Variants in ATP8A2 observed in about 807,000 individuals in gnomAD.
ATP8A2 encodes the protein phospholipid-transporting ATPase IB.
Under a neutral mutation model 165.6 loss-of-function variants are expected in ATP8A2, and 100 were observed. The ratio of observed to expected loss-of-function variants is 0.60; its 90% confidence interval spans 0.51 to 0.71. ATP8A2 has a LOEUF of 0.71. Among genes scored for constraint, ATP8A2 ranks in the 30% least tolerant of loss-of-function variants. The probability of loss-of-function intolerance (pLI) is 0.00; values close to 1 mark genes in which losing one functional copy is unlikely to be tolerated. For synonymous variants in ATP8A2, 543 were observed against 548.8 expected, an observed-to-expected ratio of 0.99 and a Z score of 0.15; for missense variants, 1,227 against 1,479.5, an observed-to-expected ratio of 0.83 and a Z score of 2.80.
chr13:25,466,402 T>C (rs1255678803), intron 1 of ATP8A2, among the ~76,000 whole-genome samples: 3 of 152,182 alleles, frequency 2.0e-5, no homozygotes, highest in Non-Finnish European at 4.4e-5. Context: ...CAGGCTCTTC[T>C]GTCTGTACTC....
intron 1 of ATP8A2, among the ~76,000 whole-genome samples, chr13:25,397,100 G>C (rs937345420): frequency 4.2e-4 from 64 of 152,200 alleles, no homozygotes; most frequent in African/African-American, 1.5e-3. Context: ...CCTGTTCTAG[G>C]AAGACGGGAA....
intron 33 of ATP8A2, among the ~76,000 whole-genome samples, chr13:25,923,164 A>G (rs1040351662): frequency 6.6e-6 from 1 of 152,208 alleles, no homozygotes; most frequent in Non-Finnish European, 1.5e-5. Flanking sequence ...GATTGCAATT[A>G]TCATATTTAG....
At chr13:25,908,935 A>C (rs568208812) in intron 33 of ATP8A2, among the ~76,000 whole-genome samples, 1 of 152,224 alleles carries the variant, frequency 6.6e-6, no homozygotes, top group Non-Finnish European at 1.5e-5. Context: ...TATTTGGATG[A>C]TAAGAGGAGC....
chr13:25,776,251 G>T (rs1015884902), intron 27 of ATP8A2, among the ~76,000 whole-genome samples: 3 of 152,200 alleles, frequency 2.0e-5, no homozygotes, highest in African/African-American at 4.8e-5. Context: ...TGTGGGCTGG[G>T]GAGCAGCCCT....
chr13:25,479,475 T>C lies in ATP8A2; in HGVS notation c.221+10354T>C, dbSNP rs1484754485. On this transcript the variant is annotated intron_variant, in intron 2 of 36. Coordinates refer to ENST00000381655, the MANE Select transcript of ATP8A2 (RefSeq NM_016529.6). ...AAGTATAATTTCCAATTTGTGGTTT[T>C]GTTGTATGATTCTTTTATTTTTATT... 2.6e-5 allele frequency among the ~76,000 whole-genome samples: 4 copies of C among 152,330 alleles called. No individual in the cohort carries two copies. In the East Asian group the frequency reaches 7.7e-4, roughly 29 times the overall value.
At position 25,697,079 on chromosome 13, in the gene ATP8A2, G is replaced by C. The variant is rs546093454; in HGVS notation, c.2212-2094G>C. On this transcript the variant is annotated intron_variant, in intron 24 of 36. Transcript: ENST00000381655. ...TTGGATAAATGGTGCTGATCGACTT[G>C]CTTGACTCAGGGTTGCTAGAAATCT... Among the ~76,000 whole-genome samples the C allele has an allele frequency of 1.7e-3, 254 of 152,322 alleles. 2 individuals carry two copies. Among genetic ancestry groups the C allele is most frequent in the African/African-American group, 5.3e-3 (220 of 41,578 alleles).
Position 26,012,558 on chromosome 13 carries a change from G to A in ATP8A2, c.3405G>A (p.Lys1135=). 1 of 1,538,384 alleles carries A rather than the reference G, an allele frequency of 6.5e-7. No individual in the cohort carries two copies. The part of the protein sequence containing the change: ...KRLNERDRLI[K]RLGRKTPPTL... The stretch of plus-strand genomic sequence containing the variant: ...TGAACGAGCGCGACCGCCTGATCAA[G>A]AGGCTGGGCCGGAAGACGCCCCCGA... Residue 1135 remains lysine, a synonymous_variant, in exon 36 of 37, where the codon AAG becomes AAA. Transcript: ENST00000381655.
intron 24 of ATP8A2, among the ~76,000 whole-genome samples, chr13:25,628,284 C>T (rs143806248): frequency 6.6e-6 from 1 of 152,242 alleles, no homozygotes; most frequent in Non-Finnish European, 1.5e-5. Context: ...GGTCTGGGAG[C>T]CATTCATTCT....
At chr13:25,867,659 A>AT (rs1367754744) in intron 33 of ATP8A2, among the ~76,000 whole-genome samples, 1 of 152,144 alleles carries the variant, frequency 6.6e-6, no homozygotes, top group Non-Finnish European at 1.5e-5. Flanking sequence ...GCTTCATCCC[A>AT]TCCCCCCTGC....
At chr13:25,376,976 C>T (rs1044628028) in intron 1 of ATP8A2, among the ~76,000 whole-genome samples, 5 of 152,334 alleles carry the variant, frequency 3.3e-5, no homozygotes, top group African/African-American at 1.2e-4. Flanking sequence ...GTCCTGACTA[C>T]AAGGCCGTCT....
At chr13:25,510,900 T>C (rs1416290134) in intron 2 of ATP8A2, among the ~76,000 whole-genome samples, 2 of 152,250 alleles carry the variant, frequency 1.3e-5, no homozygotes, top group Non-Finnish European at 2.9e-5. Context: ...TGTAGGTAGC[T>C]AAAAGTTGAA....
chr13:25,459,435 C>T (rs1404423679), intron 1 of ATP8A2, among the ~76,000 whole-genome samples: 1 of 152,230 alleles, frequency 6.6e-6, no homozygotes, highest in Non-Finnish European at 1.5e-5. Flanking sequence ...TGAATGCCTT[C>T]TGCATCCTAT....
chr13:25,465,696 TTTCTTTCTTTC>T lies in ATP8A2; in HGVS notation c.77-3278_77-3268del, dbSNP rs1566153150. On this transcript the variant is annotated intron_variant, in intron 1 of 36. Transcript: ENST00000381655. The stretch of plus-strand genomic sequence containing the variant: ...CTTTCTTTCTTTCTTTCTTTCTTTC[TTTCTTTCTTTC>T]TTTCTTTCTTTCTTTCTTTCTTTCT... Among the ~76,000 whole-genome samples, 149 of 20,428 alleles carry T rather than the reference TTTCTTTCTTTC, an allele frequency of 7.3e-3. 12 individuals carry two copies. Among genetic ancestry groups the T allele is most frequent in the Admixed American group, 0.035 (59 of 1,680 alleles). The allele number at this position is 20,428 out of a possible 152,430, so 13.4% of individuals were successfully genotyped here.
chr13:25,850,518 T>G (rs9511939), intron 30 of ATP8A2, among the ~76,000 whole-genome samples: 19,980 of 149,426 alleles, frequency 0.13, 1,564 homozygotes, highest in Non-Finnish European at 0.18. Context: ...CTACTTTCTC[T>G]GAAATTATGC....
In ATP8A2 at chr13:25,953,568, GCC is replaced by G. The variant is rs1199765230; in HGVS notation, c.3184-8006_3184-8005del. Among the ~76,000 whole-genome samples, 4,000 of 149,068 alleles carry G rather than the reference GCC, an allele frequency of 0.027. 105 individuals carry two copies. Among genetic ancestry groups the G allele is most frequent in the African/African-American group, 0.049 (1,967 of 40,340 alleles). On this transcript the variant is annotated intron_variant, in intron 33 of 36. Coordinates refer to ENST00000381655, the MANE Select transcript of ATP8A2 (RefSeq NM_016529.6). This position sits in a 1 kb window ranked among gnomAD's most constrained non-coding sequence, Gnocchi z 6.7. ...AAAAGCAAGGGAAATAGGCAAGACGGCCAAATAGGAACAGCTCCAGTCTGTAG... is the reference window on the plus strand; with the variant it reads ...AAAAGCAAGGGAAATAGGCAAGACGGAAATAGGAACAGCTCCAGTCTGTAG...
intron 33 of ATP8A2, among the ~76,000 whole-genome samples, chr13:25,939,927 C>G (rs1287263910): frequency 1.3e-5 from 2 of 152,188 alleles, no homozygotes; most frequent in African/African-American, 2.4e-5. Flanking sequence ...TCTTCTTGTC[C>G]TTAACTCCCC....
chr13:25,768,640 T>G (rs574870948), intron 25 of ATP8A2, among the ~76,000 whole-genome samples: 24 of 152,284 alleles, frequency 1.6e-4, no homozygotes, highest in African/African-American at 4.1e-4. Flanking sequence ...CAGCCCTAGG[T>G]TGTATATGAT....
intron 1 of ATP8A2, among the ~76,000 whole-genome samples, chr13:25,435,869 A>G (rs1257524264): frequency 6.6e-6 from 1 of 152,094 alleles, no homozygotes. Context: ...ACTGTAGACT[A>G]AAATGATCTT....
At position 25,560,626 on chromosome 13, in the gene ATP8A2, G is replaced by A. The variant is rs1032271629; in HGVS notation, c.1397+861G>A. Among the ~76,000 whole-genome samples the A allele has an allele frequency of 3.9e-5, 5 of 129,308 alleles. No individual in the cohort carries two copies. In the Admixed American group the frequency reaches 4.1e-4, roughly 11 times the overall value. 84.8% of individuals were successfully genotyped at this position (129,308 alleles called of 152,430 possible). On this transcript the variant is annotated intron_variant, in intron 15 of 36. Transcript: ENST00000381655. ...GAGGCAGGAGAATCAGTTGAACCCA[G>A]GGGGCAGAGGTTGCAGTGAGCCGAG... is the stretch of plus-strand genomic sequence containing the variant.
Sources: gnomAD v4.1 joint callset for allele counts (sites outside exome capture counted in the v4.1 genomes callset) on GRCh38, gnomAD v4.1.1 for gene constraint, Gnocchi (gnomAD v3.1) non-coding constraint, MANE v1.5 for transcripts, NCBI Gene and HGNC (gene_info 2026-07-23, HGNC 2026-07-21) for gene names.